CPEB3: variants seen among roughly 807,000 people sequenced by gnomAD.
CPEB3 encodes cytoplasmic polyadenylation element-binding protein 3.
CPEB3 carries 20 observed loss-of-function variants against 67.2 expected under a neutral mutation model. The ratio of observed to expected loss-of-function variants is 0.30; its 90% CI spans 0.21 to 0.43. CPEB3 has a LOEUF of 0.43. CPEB3 is among the 20% of genes least tolerant of loss of function. The pLI, the probability that CPEB3 is intolerant of heterozygous loss-of-function variation, is 1.00. For synonymous variants in CPEB3, 376 were observed against 393.1 expected (o/e 0.96, Z 0.51); for missense variants, 746 against 968.6 (o/e 0.77, Z 3.05).
At position 92,050,904 on chromosome 10, in the gene CPEB3, A is replaced by G. The variant is rs1222410607; in HGVS notation, c.*1308T>C. 1 of 152,696 alleles carries G rather than the reference A, an allele frequency of 6.5e-6. No homozygotes were observed. The highest frequency in any genetic ancestry group is 1.5e-5 in the Non-Finnish European group (1 of 68,054). 9.5% of individuals were successfully genotyped at this position (152,696 alleles called of 1,614,324 possible). The stretch of plus-strand genomic sequence containing the variant: ...TGCAAGCACTAAGAGATTGTAACTA[A>G]GAGCTCATGTGTTAGTTTATAATAT... On this transcript the variant is annotated 3_prime_UTR_variant, in exon 10 of 10. Transcript: ENST00000265997.
intron 1 of CPEB3, among the ~76,000 whole-genome samples, chr10:92,283,836 C>T (rs1423386602): frequency 6.8e-6 from 1 of 146,732 alleles, no homozygotes; most frequent in African/African-American, 2.5e-5. Context: ...AAGCAATTCT[C>T]CTGCCTCAGC....
At chr10:92,104,306 T>C (rs1029720226) in intron 7 of CPEB3, among the ~76,000 whole-genome samples, 14 of 152,032 alleles carry the variant, frequency 9.2e-5, no homozygotes, top group Non-Finnish European at 1.9e-4. Flanking sequence ...TGGAAAACAC[T>C]GAACATTATC....
chr10:92,242,133 C>A (rs922674906), intron 1 of CPEB3, among the ~76,000 whole-genome samples: 7 of 152,148 alleles, frequency 4.6e-5, no homozygotes, highest in African/African-American at 1.7e-4. Flanking sequence ...TAAAATGGTT[C>A]ATTAGTATCT....
chr10:92,101,034 C>T (rs950547202), intron 7 of CPEB3, among the ~76,000 whole-genome samples: 1 of 152,186 alleles, frequency 6.6e-6, no homozygotes, highest in Non-Finnish European at 1.5e-5. Context: ...TTTAACATCT[C>T]ACTCTGTATG....
chr10:92,067,679 G>A (rs833386), intron 9 of CPEB3, among the ~76,000 whole-genome samples: 107,571 of 151,510 alleles, frequency 0.71, 38,334 homozygotes, highest in East Asian at 0.77. Context: ...TTAGCTGGGC[G>A]TGGTGGCACG....
chr10:92,213,811 T>TTA (rs1850212442), intron 2 of CPEB3, among the ~76,000 whole-genome samples: 1 of 152,174 alleles, frequency 6.6e-6, no homozygotes, highest in Non-Finnish European at 1.5e-5. Context: ...CTAGAGCTAA[T>TTA]TATAATATGG....
intron 6 of CPEB3, among the ~76,000 whole-genome samples, chr10:92,140,468 C>T (rs1846350672): frequency 6.6e-6 from 1 of 152,106 alleles, no homozygotes; most frequent in Non-Finnish European, 1.5e-5. Flanking sequence ...ACACCTTATA[C>T]AAAAATTAAT....
At chr10:92,252,931 C>CAT (rs146720611) in intron 1 of CPEB3, among the ~76,000 whole-genome samples, 2 of 148,928 alleles carry the variant, frequency 1.3e-5, no homozygotes, top group Non-Finnish European at 3.0e-5. Flanking sequence ...CTTAAAGTTC[C>CAT]TTTTTTTTTT....
chr10:92,067,902 A>C (rs1236563199), intron 9 of CPEB3, among the ~76,000 whole-genome samples: 2 of 152,246 alleles, frequency 1.3e-5, no homozygotes, highest in East Asian at 3.8e-4. Flanking sequence ...TCTCAGATAT[A>C]GCAAACCCAC....
intron 2 of CPEB3, among the ~76,000 whole-genome samples, chr10:92,194,094 CCTACCT>C (rs1849117331): frequency 6.6e-6 from 1 of 151,572 alleles, no homozygotes. Flanking sequence ...CCGCGCCCGG[CCTACCT>C]TTAACATTTC....
chr10:92,233,990 C>G (rs1434050808), intron 2 of CPEB3, among the ~76,000 whole-genome samples: 2 of 151,674 alleles, frequency 1.3e-5, no homozygotes, highest in Non-Finnish European at 2.9e-5. Flanking sequence ...GCCTGTAGTC[C>G]CAGCTACTTG....
At chr10:92,273,874 C>T (rs1841856013) in intron 1 of CPEB3, among the ~76,000 whole-genome samples, 2 of 152,164 alleles carry the variant, frequency 1.3e-5, no homozygotes, top group Admixed American at 6.5e-5. Flanking sequence ...CCTTCAAGAT[C>T]CAGGTCAAAC....
intron 7 of CPEB3, among the ~76,000 whole-genome samples, chr10:92,092,484 A>G (rs1484639381): frequency 6.6e-6 from 1 of 152,210 alleles, no homozygotes; most frequent in Non-Finnish European, 1.5e-5. Context: ...AATAAAGCAC[A>G]AAGAGTACTC....
intron 2 of CPEB3, among the ~76,000 whole-genome samples, chr10:92,212,603 T>C (rs1436333292): frequency 1.3e-5 from 2 of 152,310 alleles, no homozygotes; most frequent in South Asian, 2.1e-4. Context: ...CATGTGGCTA[T>C]TGAGCACTTG....
chr10:92,188,074 T>C (rs537090730), intron 3 of CPEB3, among the ~76,000 whole-genome samples: 1 of 151,984 alleles, frequency 6.6e-6, no homozygotes, highest in South Asian at 2.1e-4. Context: ...CCTGTGCCTC[T>C]AGTACCAGCT....
intron 4 of CPEB3, 37 bp downstream of exon 4, chr10:92,180,926 C>T: frequency 9.7e-7 from 1 of 1,033,442 alleles, no homozygotes; most frequent in South Asian, 1.3e-5. Context: ...GCAAACTTGA[C>T]TGCTAATTTA....
chr10:92,272,892 A>G (rs1035833213), intron 1 of CPEB3, among the ~76,000 whole-genome samples: 2 of 152,200 alleles, frequency 1.3e-5, no homozygotes, highest in African/African-American at 2.4e-5. Flanking sequence ...AGCAGAGTGG[A>G]CTGGAGAGGC....
Position 92,240,062 on chromosome 10 carries a change from C to T in CPEB3, c.289G>A (p.Ala97Thr), listed in dbSNP as rs574779105. ...PQQPPPPQEP[A>T]APGASLSPSF... ...GGCGACAGCGACGCGCCCGGTGCCG[C>T]GGGCTCCTGAGGCGGCGGCGGCTGC... is the stretch of plus-strand genomic sequence containing the variant. The change falls in exon 2 of 10, where the codon GCG becomes ACG. Residue 97 changes from alanine (A) to threonine (T), a missense_variant. By Grantham distance (58) the Ala-to-Thr change is moderately conservative (BLOSUM62 0). This residue lies in a region of CPEB3 where 643 missense variants were observed against 717.5 expected (regional missense o/e 0.90). Transcript: ENST00000265997. 21 of 1,591,988 alleles carry T rather than the reference C, an allele frequency of 1.3e-5. No homozygotes were observed. Among genetic ancestry groups the T allele is most frequent in the African/African-American group, 4.0e-5 (3 of 74,112 alleles).
intron 6 of CPEB3, among the ~76,000 whole-genome samples, chr10:92,134,000 T>A (rs1433692812): frequency 1.3e-5 from 2 of 152,124 alleles, no homozygotes; most frequent in African/African-American, 2.4e-5. Context: ...ATAAATTAGG[T>A]ATTGATGGAA....
Sources: gnomAD v4.1 joint callset for allele counts (sites outside exome capture counted in the v4.1 genomes callset) on GRCh38, gnomAD v4.1.1 for gene constraint, gnomAD v4.1.1 regional missense constraint, MANE v1.5 for transcripts, NCBI Gene and HGNC (gene_info 2026-07-23, HGNC 2026-07-21) for gene names.